Variants in TMEM150C observed in about 807,000 individuals in gnomAD.
TMEM150C encodes transmembrane protein 150C.
Under a neutral mutation model 29.9 loss-of-function variants are expected in TMEM150C, and 10 were observed. The ratio of observed to expected loss-of-function variants is 0.33; its 90% CI spans 0.21 to 0.57. The LOEUF (loss-of-function observed/expected upper bound fraction) is 0.57, where lower values mean the gene tolerates loss of function less well. Ranked by LOEUF, TMEM150C falls within the 20% of genes least tolerant of loss-of-function variation. The probability of loss-of-function intolerance (pLI) is 0.88; values close to 1 mark genes in which losing one functional copy is unlikely to be tolerated. For missense variants in TMEM150C, 251 were observed against 303.6 expected (o/e 0.83, Z 1.29); for synonymous variants, 101 against 112.5 (o/e 0.90, Z 0.64).
chr4:82,560,935 C>T (rs910431022), intron 1 of TMEM150C, among the ~76,000 whole-genome samples: 4 of 152,202 alleles, frequency 2.6e-5, no homozygotes, highest in Non-Finnish European at 5.9e-5. Context: ...AGTGGGTTCA[C>T]TCGGGAAGAT....
At chr4:82,486,095 G>A (rs1723149879) in intron 7 of TMEM150C, among the ~76,000 whole-genome samples, 1 of 151,930 alleles carries the variant, frequency 6.6e-6, no homozygotes. Context: ...ACTTGCCTGA[G>A]GTCACACAGG....
chr4:82,542,417 T>C (rs894572311), intron 1 of TMEM150C, among the ~76,000 whole-genome samples: 2 of 152,198 alleles, frequency 1.3e-5, no homozygotes, highest in Non-Finnish European at 2.9e-5. Context: ...TGGCCTTGAA[T>C]GCCAATCCCT....
At chr4:82,553,171 G>A (rs1453367877) in intron 1 of TMEM150C, among the ~76,000 whole-genome samples, 1 of 152,198 alleles carries the variant, frequency 6.6e-6, no homozygotes. Flanking sequence ...TAAACAATGG[G>A]TATGGCTGTG....
intron 1 of TMEM150C, among the ~76,000 whole-genome samples, chr4:82,553,688 T>C (rs938207362): frequency 7.2e-5 from 11 of 152,334 alleles, no homozygotes; most frequent in Middle Eastern, 3.4e-3. Flanking sequence ...ACTTCACAAA[T>C]ATTGTCCAAT....
At chr4:82,494,574 T>G (rs1022656985) in intron 6 of TMEM150C, among the ~76,000 whole-genome samples, 20 of 152,116 alleles carry the variant, frequency 1.3e-4, no homozygotes, top group Non-Finnish European at 2.6e-4. Context: ...AGGATCCAAT[T>G]TGTTACGAAA....
intron 1 of TMEM150C, among the ~76,000 whole-genome samples, chr4:82,527,453 T>A (rs1019769834): frequency 1.3e-5 from 2 of 152,170 alleles, no homozygotes; most frequent in African/African-American, 4.8e-5. Flanking sequence ...CTTCTTGGGC[T>A]TCTCTGACTG....
intron 1 of TMEM150C, among the ~76,000 whole-genome samples, chr4:82,556,098 T>C (rs1446907273): frequency 2.0e-5 from 3 of 152,086 alleles, no homozygotes; most frequent in African/African-American, 7.2e-5. Context: ...GTTGTTTTTT[T>C]TTTTCTTGGA....
intron 6 of TMEM150C, chr4:82,495,435 C>T (rs755019655): frequency 6.7e-5 from 21 of 315,622 alleles, no homozygotes; most frequent in South Asian, 1.5e-4. Flanking sequence ...AGCGAGACTC[C>T]GTCTCAAAAA....
chr4:82,496,132 T>C lies in TMEM150C; in HGVS notation c.299A>G (p.Asn100Ser). 3 of 1,613,940 alleles carry C rather than the reference T, an allele frequency of 1.9e-6. No homozygotes were observed. Among genetic ancestry groups the C allele is most frequent in the Non-Finnish European group, 2.5e-6 (3 of 1,179,874 alleles). The part of the protein sequence containing the change: ...LKPKVLNPWL[N>S]ISGLVALCLA... ...ACACAGAGCCACCAATCCACTAATATTCAGCCACGGGTTTAAAACCTTCGG... is the reference window on the plus strand; with the variant it reads ...ACACAGAGCCACCAATCCACTAATACTCAGCCACGGGTTTAAAACCTTCGG... The change falls in exon 6 of 8, where the codon AAT becomes AGT. Residue 100 changes from asparagine to serine, a missense_variant. Transcript: ENST00000449862.
At chr4:82,495,467 T>A in intron 6 of TMEM150C, 1 of 357,740 alleles carries the variant, frequency 2.8e-6, no homozygotes, top group Non-Finnish European at 5.4e-6. Flanking sequence ...CGGATTCTGC[T>A]AGCTCTTTTA....
intron 1 of TMEM150C, among the ~76,000 whole-genome samples, chr4:82,527,990 T>C (rs1475396490): frequency 1.3e-5 from 2 of 148,514 alleles, no homozygotes; most frequent in Admixed American, 1.3e-4. Context: ...TGTGATAATG[T>C]AATATATGTC....
At chr4:82,539,545 C>A (rs987950679) in intron 1 of TMEM150C, among the ~76,000 whole-genome samples, 1 of 152,026 alleles carries the variant, frequency 6.6e-6, no homozygotes, top group South Asian at 2.1e-4. Context: ...CTCCGCCTCC[C>A]GGGTTCACGC....
At chr4:82,508,192 C>T (rs748606432) in intron 1 of TMEM150C, among the ~76,000 whole-genome samples, 2 of 152,148 alleles carry the variant, frequency 1.3e-5, no homozygotes, top group Non-Finnish European at 2.9e-5. Flanking sequence ...GAATAAGTTC[C>T]ACTCTTTCCC....
chr4:82,516,328 A>G (rs1724295331), intron 1 of TMEM150C, among the ~76,000 whole-genome samples: 1 of 152,244 alleles, frequency 6.6e-6, no homozygotes, highest in African/African-American at 2.4e-5. Context: ...AGTCAAAATG[A>G]TAATTCTTCC....
At chr4:82,501,799 T>C (rs1723744826) in intron 5 of TMEM150C, among the ~76,000 whole-genome samples, 1 of 152,148 alleles carries the variant, frequency 6.6e-6, no homozygotes, top group East Asian at 1.9e-4. Context: ...CGAGTAGGAA[T>C]TTTGAGGGGT....
At chr4:82,513,891 G>A (rs1724210768) in intron 1 of TMEM150C, among the ~76,000 whole-genome samples, 1 of 152,228 alleles carries the variant, frequency 6.6e-6, no homozygotes, top group African/African-American at 2.4e-5. Flanking sequence ...AAAGAAGGTT[G>A]GGAGAGAAGG....
intron 1 of TMEM150C, among the ~76,000 whole-genome samples, chr4:82,521,589 A>G (rs1158893558): frequency 6.6e-6 from 1 of 152,258 alleles, no homozygotes. Context: ...TGGAGAAGGT[A>G]GCATTCAAGC....
intron 1 of TMEM150C, among the ~76,000 whole-genome samples, chr4:82,542,031 A>G (rs1725218035): frequency 1.3e-5 from 2 of 152,232 alleles, no homozygotes; most frequent in Non-Finnish European, 2.9e-5. Flanking sequence ...CACGTACAAA[A>G]CAAGGACAGT....
chr4:82,498,716 G>A lies in TMEM150C; in HGVS notation c.236-2521C>T, dbSNP rs564692075. On this transcript the variant is annotated intron_variant, in intron 5 of 7. Coordinates refer to ENST00000449862, the MANE Select transcript of TMEM150C (RefSeq NM_001080506.3). ...CCCAGTTCCTGAAATGGCTCTTCAT[G>A]TTGACCCACCCAGTCAAAGAGTTTG... is the stretch of plus-strand genomic sequence containing the variant. 3.9e-5 allele frequency among the ~76,000 whole-genome samples: 6 copies of A among 152,288 alleles called. No individual in the cohort carries two copies. The South Asian group carries it at 8.3e-4, about 21-fold the overall frequency.
Sources: gnomAD v4.1 joint callset for allele counts (sites outside exome capture counted in the v4.1 genomes callset) on GRCh38, gnomAD v4.1.1 for gene constraint, MANE v1.5 for transcripts, NCBI Gene and HGNC (gene_info 2026-07-23, HGNC 2026-07-21) for gene names.